The following SWT1 variants were observed in gnomAD, a reference collection of about 807,000 sequenced individuals.
The protein encoded by SWT1 is transcriptional protein SWT1.
SWT1 carries 33 observed loss-of-function variants against 107.3 expected under a neutral mutation model. The observed-to-expected ratio is 0.31, with a 90% CI of 0.23 to 0.41. The LOEUF (loss-of-function observed/expected upper bound fraction) is 0.41. Among genes scored for constraint, SWT1 ranks in the 10% least tolerant of loss-of-function variants. SWT1 has a pLI of 1.00. For missense variants in SWT1, 898 were observed against 1,028.9 expected (o/e 0.87, Z 1.74); for synonymous variants, 345 against 348.3 (o/e 0.99, Z 0.11).
chr1:185,251,918 A>G (rs1026236967), intron 16 of SWT1, among the ~76,000 whole-genome samples: 18 of 151,844 alleles, frequency 1.2e-4, no homozygotes, highest in South Asian at 4.2e-4. Flanking sequence ...AGCATTAGGT[A>G]TATCTCCCAA....
intron 10 of SWT1, among the ~76,000 whole-genome samples, chr1:185,201,210 G>T (rs776240995): frequency 2.6e-5 from 4 of 152,116 alleles, no homozygotes; most frequent in Non-Finnish European, 5.9e-5. Context: ...GATCCACGGA[G>T]CTAGACCACT....
At chr1:185,222,339 T>G (rs1659719757) in intron 15 of SWT1, among the ~76,000 whole-genome samples, 1 of 152,236 alleles carries the variant, frequency 6.6e-6, no homozygotes, top group African/African-American at 2.4e-5. Flanking sequence ...ACATTTCCTT[T>G]ATGCATTCAT....
chr1:185,186,784 C>T (rs1485606780), intron 9 of SWT1, among the ~76,000 whole-genome samples: 1 of 150,378 alleles, frequency 6.6e-6, no homozygotes, highest in Non-Finnish European at 1.5e-5. Context: ...GATGGAGTCT[C>T]GCTCCCGTCA....
intron 16 of SWT1, among the ~76,000 whole-genome samples, chr1:185,267,389 T>C (rs1205841582): frequency 6.6e-6 from 1 of 152,202 alleles, no homozygotes; most frequent in Non-Finnish European, 1.5e-5. Flanking sequence ...CGTAATTAAA[T>C]TCAGGGAGAT....
At chr1:185,192,283 A>T (rs565601317) in intron 10 of SWT1, among the ~76,000 whole-genome samples, 2 of 152,314 alleles carry the variant, frequency 1.3e-5, no homozygotes, top group East Asian at 3.9e-4. Context: ...GAAACCTATC[A>T]TCTCCATAAA....
chr1:185,169,364 G>T (rs1374570567), intron 4 of SWT1, among the ~76,000 whole-genome samples: 3 of 146,492 alleles, frequency 2.0e-5, no homozygotes, highest in Non-Finnish European at 4.5e-5. Flanking sequence ...CACATTTTTT[G>T]GCCCTTGATA....
intron 13 of SWT1, among the ~76,000 whole-genome samples, 197 bp from the exon 14 acceptor site, chr1:185,214,310 A>G (rs1047180271): frequency 6.6e-6 from 1 of 152,188 alleles, no homozygotes; most frequent in Non-Finnish European, 1.5e-5. Context: ...GAATACCAGA[A>G]TCAACTCAAA....
At chr1:185,212,476 A>G (rs1045861315) in intron 13 of SWT1, among the ~76,000 whole-genome samples, 4 of 152,166 alleles carry the variant, frequency 2.6e-5, no homozygotes, top group African/African-American at 9.7e-5. Flanking sequence ...CTTCTGCTGA[A>G]AAATCAGTTT....
At chr1:185,178,010 G>A (rs1655708769) in intron 5 of SWT1, among the ~76,000 whole-genome samples, 1 of 152,144 alleles carries the variant, frequency 6.6e-6, no homozygotes, top group Admixed American at 6.5e-5. Flanking sequence ...TCCCAGGGAG[G>A]CAGACTAGTA....
Position 185,180,444 on chromosome 1 carries a change from T to C in SWT1, c.1020T>C (p.Asp340=), listed in dbSNP as rs972753806. Residue 340 remains aspartate, a synonymous_variant, in exon 6 of 19, where the codon GAT becomes GAC. Transcript: ENST00000367500. Reference sequence around the variant, plus strand: ...CATCTGAAAGTATCCAGGATGCAGATCAAGAGGTTATTGATATTCTTGTTT... The same window carrying C: ...CATCTGAAAGTATCCAGGATGCAGACCAAGAGGTTATTGATATTCTTGTTT... The part of the protein sequence containing the change: ...SVSSESIQDA[D]QEMQIVEELH... The C allele has an allele frequency of 1.9e-6, 3 of 1,610,750 alleles. No individual in the cohort carries two copies. Among genetic ancestry groups the C allele is most frequent in the Non-Finnish European group, 2.5e-6 (3 of 1,176,976 alleles).
At chr1:185,255,927 C>T (rs551816552) in intron 16 of SWT1, among the ~76,000 whole-genome samples, 5 of 151,732 alleles carry the variant, frequency 3.3e-5, no homozygotes, top group East Asian at 2.0e-4. Flanking sequence ...ACCGGTTGTT[C>T]GTTTCCATGT....
chr1:185,208,742 C>CTT (rs11444869), intron 13 of SWT1, among the ~76,000 whole-genome samples: 5,605 of 142,744 alleles, frequency 0.039, 256 homozygotes, highest in African/African-American at 0.097. Context: ...CGATGAATAT[C>CTT]TTTTTTTTTT....
chr1:185,191,843 C>CT (rs1238343396), intron 10 of SWT1, among the ~76,000 whole-genome samples: 2 of 152,020 alleles, frequency 1.3e-5, no homozygotes, highest in Non-Finnish European at 2.9e-5. Flanking sequence ...ACATTCACTG[C>CT]TTTTTTTGGG....
intron 9 of SWT1, among the ~76,000 whole-genome samples, chr1:185,190,100 G>A (rs966553171): frequency 1.3e-5 from 2 of 152,032 alleles, no homozygotes; most frequent in Admixed American, 6.6e-5. Flanking sequence ...TGCACACCTC[G>A]GCCTCCCAAA....
chr1:185,162,376 A>G (rs1415385818), intron 2 of SWT1, among the ~76,000 whole-genome samples: 1 of 152,116 alleles, frequency 6.6e-6, no homozygotes, highest in Non-Finnish European at 1.5e-5. Context: ...CACTTTCACA[A>G]AGCTTTTTGT....
At chr1:185,236,449 A>G (rs1221150939) in intron 16 of SWT1, among the ~76,000 whole-genome samples, 1 of 152,206 alleles carries the variant, frequency 6.6e-6, no homozygotes, top group East Asian at 1.9e-4. Flanking sequence ...GACAAACCTG[A>G]CAAAAACAAG....
Position 185,177,520 on chromosome 1 carries a change from C to T in SWT1, c.966+2407C>T, listed in dbSNP as rs1655669581. Among the ~76,000 whole-genome samples the T allele has an allele frequency of 6.6e-5, 10 of 152,250 alleles. No individual in the cohort carries two copies. In the South Asian group the frequency reaches 2.1e-3, roughly 32 times the overall value. ...TATCAGGCTTAAAGTCATTTAGACACAGAAACAGCAAGTAAATATTGTCCT... is the reference window on the plus strand; with the variant it reads ...TATCAGGCTTAAAGTCATTTAGACATAGAAACAGCAAGTAAATATTGTCCT... On this transcript the variant is annotated intron_variant, in intron 5 of 18. Transcript: ENST00000367500.
At chr1:185,257,022 G>C (rs868131033) in intron 16 of SWT1, among the ~76,000 whole-genome samples, 1,802 of 151,676 alleles carry the variant, frequency 0.012, 18 homozygotes, top group South Asian at 0.03. Flanking sequence ...AGCTTCAGGT[G>C]TGTTGGAATA....
chr1:185,259,162 C>T (rs1466929908), intron 16 of SWT1, among the ~76,000 whole-genome samples: 5 of 152,136 alleles, frequency 3.3e-5, no homozygotes, highest in African/African-American at 1.2e-4. Flanking sequence ...TTTACCTCAA[C>T]TCCCTGTTCT....
Sources: gnomAD v4.1 joint callset for allele counts (sites outside exome capture counted in the v4.1 genomes callset) on GRCh38, gnomAD v4.1.1 for gene constraint, MANE v1.5 for transcripts, NCBI Gene and HGNC (gene_info 2026-07-23, HGNC 2026-07-21) for gene names.